Variants in XIRP2 observed in about 807,000 individuals in gnomAD.
The protein encoded by XIRP2 is xin actin binding repeat containing 2.
Under a neutral mutation model 277.0 loss-of-function variants are expected in XIRP2, and 236 were observed. The ratio of observed to expected loss-of-function variants is 0.85; its 90% CI spans 0.77 to 0.95. The LOEUF (loss-of-function observed/expected upper bound fraction) is 0.95. Among genes scored for constraint, XIRP2 ranks in the 40% least tolerant of loss-of-function variants. The pLI is 0.00. For synonymous variants in XIRP2, 1,490 were observed against 1,416.5 expected, an observed-to-expected ratio of 1.05 and a Z score of -1.17; for missense variants, 4,640 against 4,157.5, an observed-to-expected ratio of 1.12 and a Z score of -3.19.
chr2:166,951,522 G>A (rs754121807), intron 2 of XIRP2, among the ~76,000 whole-genome samples: 30 of 151,560 alleles, frequency 2.0e-4, no homozygotes, highest in Non-Finnish European at 3.2e-4. Context: ...GGGCAACAGA[G>A]TGGAAAAAAA....
intron 2 of XIRP2, among the ~76,000 whole-genome samples, chr2:167,109,752 T>A (rs1487150059): frequency 6.6e-6 from 1 of 152,196 alleles, no homozygotes; most frequent in Non-Finnish European, 1.5e-5. Flanking sequence ...GGAAAGCCAT[T>A]GCTTTCTACA....
Position 167,248,403 on chromosome 2 carries a change from A to C in XIRP2, c.7011A>C (p.Glu2337Asp), listed in dbSNP as rs1358931007. The change falls in exon 9 of 11, where the codon GAA (glutamate) becomes GAC (aspartate). Residue 2337 changes from glutamate (E) to aspartate (D), a missense_variant. Physicochemically the swap from Glu to Asp is conservative, Grantham distance 45. Coordinates refer to ENST00000409195, the MANE Select transcript of XIRP2 (RefSeq NM_152381.6). ...TGTCCACAGAGAAGATAAAGGCTGAATTTGAAAGTTTTCCAGGCCTCCCTC... is the reference window on the plus strand; with the variant it reads ...TGTCCACAGAGAAGATAAAGGCTGACTTTGAAAGTTTTCCAGGCCTCCCTC... ...PSLSTEKIKA[E>D]FESFPGLPLP... 2 of 1,613,610 alleles carry C rather than the reference A, an allele frequency of 1.2e-6. No individual in the cohort carries two copies. Among genetic ancestry groups the C allele is most frequent in the Non-Finnish European group, 1.7e-6 (2 of 1,179,842 alleles).
chr2:167,176,303 C>T (rs936246579), intron 3 of XIRP2, among the ~76,000 whole-genome samples: 1 of 148,942 alleles, frequency 6.7e-6, no homozygotes, highest in Non-Finnish European at 1.5e-5. Context: ...CAATGCCCCA[C>T]CCTTCTGCTC....
rs1468613408 is a variant in XIRP2 at position 167,124,916 on chromosome 2, C to G, written c.409-10993C>G. 2.0e-5 allele frequency among the ~76,000 whole-genome samples: 3 copies of G among 152,112 alleles called. No individual in the cohort carries two copies. In the East Asian group the frequency reaches 5.8e-4, roughly 29 times the overall value. ...GAATAGCCAGAAGGATGGCCCAGAT[C>G]AGACTGGTGGAACCCACAGGAGCCA... On this transcript the variant is annotated intron_variant, in intron 2 of 10. Transcript: ENST00000409195.
At chr2:166,951,149 G>A (rs1686020850) in intron 2 of XIRP2, among the ~76,000 whole-genome samples, 1 of 152,022 alleles carries the variant, frequency 6.6e-6, no homozygotes, top group Non-Finnish European at 1.5e-5. Flanking sequence ...ACATAAATAT[G>A]CAAACATTTA....
chr2:167,085,762 C>A (rs1434946893), intron 2 of XIRP2, among the ~76,000 whole-genome samples: 1 of 152,040 alleles, frequency 6.6e-6, no homozygotes, highest in African/African-American at 2.4e-5. Flanking sequence ...ACTAGGATTG[C>A]AACCCCTGCC....
intron 2 of XIRP2, among the ~76,000 whole-genome samples, chr2:166,986,033 G>A (rs1195550549): frequency 1.3e-5 from 2 of 152,180 alleles, no homozygotes; most frequent in Non-Finnish European, 2.9e-5. Context: ...GGAAATGGTT[G>A]CACCAGGTTG....
rs1686563897 is a variant in XIRP2 at position 166,971,083 on chromosome 2, A to G, written c.408+67193A>G. 3.3e-5 allele frequency among the ~76,000 whole-genome samples: 5 copies of G among 152,010 alleles called. No individual in the cohort carries two copies. The South Asian group carries it at 1.0e-3, about 31-fold the overall frequency. Reference sequence around the variant, plus strand: ...GGTACACATTAAGAGGAGTAAGTCTATTGAGATTATTTTTTTCCACATTAG... The same window carrying G: ...GGTACACATTAAGAGGAGTAAGTCTGTTGAGATTATTTTTTTCCACATTAG... On this transcript the variant is annotated intron_variant, in intron 2 of 10. Coordinates refer to ENST00000409195, the MANE Select transcript of XIRP2 (RefSeq NM_152381.6).
intron 2 of XIRP2, among the ~76,000 whole-genome samples, chr2:166,958,065 G>A (rs1686208434): frequency 6.6e-6 from 1 of 151,718 alleles, no homozygotes; most frequent in Non-Finnish European, 1.5e-5. Flanking sequence ...ATCTAAGAGT[G>A]GTTTATATTT....
chr2:167,073,090 G>T (rs1326817150), intron 2 of XIRP2, among the ~76,000 whole-genome samples: 2 of 151,998 alleles, frequency 1.3e-5, no homozygotes, highest in East Asian at 3.9e-4. Context: ...ATTAAAGGCT[G>T]TTACAACATT....
At chr2:166,893,207 A>G (rs1684153386) in intron 1 of XIRP2, among the ~76,000 whole-genome samples, 2 of 152,072 alleles carry the variant, frequency 1.3e-5, no homozygotes, top group African/African-American at 4.8e-5. Flanking sequence ...GGAAATTTAA[A>G]AATATTCCAG....
At chr2:167,018,752 A>G (rs1349691424) in intron 2 of XIRP2, among the ~76,000 whole-genome samples, 2 of 152,014 alleles carry the variant, frequency 1.3e-5, no homozygotes, top group African/African-American at 4.8e-5. Flanking sequence ...ACCATTTCCT[A>G]CCACTTACTG....
intron 3 of XIRP2, among the ~76,000 whole-genome samples, chr2:167,167,832 T>G (rs1692568642): frequency 1.3e-5 from 2 of 152,292 alleles, no homozygotes; most frequent in South Asian, 4.1e-4. Context: ...CCTTCTTTGA[T>G]GCTTATTCTT....
chr2:166,942,531 C>G, intron 2 of XIRP2, among the ~76,000 whole-genome samples: 1 of 152,124 alleles, frequency 6.6e-6, no homozygotes, highest in East Asian at 1.9e-4. Flanking sequence ...AATTAGCCAC[C>G]AAGTCCAAGA....
At chr2:167,108,879 T>C (rs1041758531) in intron 2 of XIRP2, among the ~76,000 whole-genome samples, 2 of 152,022 alleles carry the variant, frequency 1.3e-5, no homozygotes, top group Admixed American at 6.6e-5. Flanking sequence ...TTTAATCTTT[T>C]ATTTTAGGTT....
intron 2 of XIRP2, among the ~76,000 whole-genome samples, chr2:166,970,746 A>G (rs750396270): frequency 1.3e-5 from 2 of 151,974 alleles, no homozygotes; most frequent in Non-Finnish European, 2.9e-5. Flanking sequence ...GTTAACATAA[A>G]TTTATAGTGA....
chr2:167,232,310 C>T (rs966518877), intron 5 of XIRP2, among the ~76,000 whole-genome samples: 1 of 151,934 alleles, frequency 6.6e-6, no homozygotes, highest in African/African-American at 2.4e-5. Flanking sequence ...CAAACCCGCT[C>T]TCTGGCTATA....
At chr2:167,234,479 T>A (rs550861293) in intron 5 of XIRP2, among the ~76,000 whole-genome samples, 3 of 151,438 alleles carry the variant, frequency 2.0e-5, no homozygotes, top group Admixed American at 6.6e-5. Context: ...CCTAGCCCAA[T>A]GCCGTTGAGA....
At chr2:167,078,588 G>C (rs1689639919) in intron 2 of XIRP2, among the ~76,000 whole-genome samples, 4 of 152,098 alleles carry the variant, frequency 2.6e-5, no homozygotes, top group Admixed American at 6.6e-5. Context: ...TGTAATCCCA[G>C]CACTTTGGGA....
Sources: allele counts gnomAD v4.1 joint callset (sites outside exome capture counted in the v4.1 genomes callset), GRCh38; gene constraint gnomAD v4.1.1; transcripts MANE v1.5; gene names NCBI Gene and HGNC (gene_info 2026-07-23, HGNC 2026-07-21).